The following MCEE variants were observed in gnomAD, a reference collection of about 807,000 sequenced individuals.
The protein encoded by MCEE is methylmalonyl-CoA epimerase, mitochondrial.
MCEE carries 6 observed loss-of-function variants against 12.9 expected under a neutral mutation model. The ratio of observed to expected loss-of-function variants is 0.47; its 90% CI spans 0.26 to 0.92. The LOEUF is 0.92. Among genes scored for constraint, MCEE ranks in the 40% least tolerant of loss-of-function variants. The pLI is 0.16. For synonymous variants in MCEE, 78 were observed against 77.9 expected, an observed-to-expected ratio of 1.00 and a Z score of -0.01; for missense variants, 214 against 212.1, an observed-to-expected ratio of 1.01 and a Z score of -0.05.
At chr2:71,122,909 G>T (rs1038038137) in intron 2 of MCEE, among the ~76,000 whole-genome samples, 3 of 152,160 alleles carry the variant, frequency 2.0e-5, no homozygotes, top group Admixed American at 6.5e-5. Flanking sequence ...TGTAACTTAT[G>T]CTCTGTGAGG....
At chr2:71,124,644 A>G in intron 1 of MCEE, 101 bp from the exon 2 acceptor site, 2 of 883,430 alleles carry the variant, frequency 2.3e-6, no homozygotes, top group Non-Finnish European at 3.7e-6. Context: ...AAAATTCATT[A>G]TTTATATATC....
chr2:71,115,461 A>G (rs6705137), intron 2 of MCEE, among the ~76,000 whole-genome samples: 44,748 of 150,438 alleles, frequency 0.3, 9,261 homozygotes, highest in East Asian at 0.66. Flanking sequence ...CACTAACTTC[A>G]ATTTTAAAGC....
chr2:71,122,504 A>T (rs1558746858), intron 2 of MCEE, among the ~76,000 whole-genome samples: 1 of 152,218 alleles, frequency 6.6e-6, no homozygotes, highest in African/African-American at 2.4e-5. Context: ...TTACAGTTCC[A>T]CGTGGCTGGG....
intron 1 of MCEE, chr2:71,129,946 G>T: frequency 1.6e-6 from 1 of 615,022 alleles, no homozygotes; most frequent in Admixed American, 2.5e-5. Flanking sequence ...CAGAGCCCAA[G>T]GCGCACAGCT....
intron 2 of MCEE, among the ~76,000 whole-genome samples, chr2:71,110,419 C>T (rs1672864241): frequency 6.6e-6 from 1 of 152,110 alleles, no homozygotes; most frequent in Admixed American, 6.5e-5. Flanking sequence ...TCTGGCAGTA[C>T]TATTAGTGAG....
At chr2:71,123,212 C>A (rs1340048920) in intron 2 of MCEE, among the ~76,000 whole-genome samples, 6 of 152,194 alleles carry the variant, frequency 3.9e-5, no homozygotes, top group African/African-American at 1.4e-4. Context: ...GCCTAACAGG[C>A]CAGGCAAGGT....
intron 2 of MCEE, among the ~76,000 whole-genome samples, chr2:71,112,750 T>C (rs1672915675): frequency 6.6e-6 from 1 of 152,222 alleles, no homozygotes; most frequent in East Asian, 1.9e-4. Context: ...TGTAGTTTTC[T>C]GTTTGCCCTA....
rs1572894873 is a variant in MCEE, at chr2:71,130,208, C to G, written c.12G>C (p.Val4=). 1 of 1,607,024 alleles carries G rather than the reference C, an allele frequency of 6.2e-7. No individual in the cohort carries two copies. The highest frequency in any genetic ancestry group is 8.5e-7 in the Non-Finnish European group (1 of 1,177,662). Residue 4 remains valine, a synonymous_variant, in exon 1 of 3, where the codon GTG becomes GTC. Coordinates refer to ENST00000244217, the MANE Select transcript of MCEE (RefSeq NM_032601.4). MAR[V]LKAAAANAVG... is the part of the protein sequence containing the mutation. ...CGGCATTCGCGGCTGCAGCCTTCAG[C>G]ACCCGCGCCATTTTGGAAAGCAACC...
chr2:71,120,764 G>C (rs1384661795), intron 2 of MCEE, among the ~76,000 whole-genome samples: 3 of 150,272 alleles, frequency 2.0e-5, no homozygotes, highest in Admixed American at 6.7e-5. Flanking sequence ...CTGAGATGGA[G>C]TCTTGCTCTG....
Position 71,115,375 on chromosome 2 carries a change from C to A in MCEE, c.379-5253G>T, listed in dbSNP as rs1253250322. On this transcript the variant is annotated intron_variant, in intron 2 of 2. Transcript: ENST00000244217. ...CTCCAGCCTGGGTAACAGAGTGAGA[C>A]CCTGTCTCAAAAAACTAATAAATGT... Among the ~76,000 whole-genome samples, 4 of 152,250 alleles carry A rather than the reference C, an allele frequency of 2.6e-5. No individual in the cohort carries two copies. In the East Asian group the frequency reaches 5.8e-4, roughly 22 times the overall value.
At chr2:71,127,710 T>A (rs1360778433) in intron 1 of MCEE, among the ~76,000 whole-genome samples, 1 of 152,262 alleles carries the variant, frequency 6.6e-6, no homozygotes, top group Non-Finnish European at 1.5e-5. Flanking sequence ...CAGTGCAACC[T>A]CTGCTTCCCA....
intron 1 of MCEE, among the ~76,000 whole-genome samples, chr2:71,127,925 C>T (rs1412642497): frequency 1.3e-5 from 2 of 152,072 alleles, no homozygotes; most frequent in Admixed American, 1.3e-4. Context: ...CGCGCCTGGC[C>T]GAACATAAGT....
intron 1 of MCEE, among the ~76,000 whole-genome samples, chr2:71,125,002 T>C (rs1366973776): frequency 6.6e-6 from 1 of 151,344 alleles, no homozygotes; most frequent in Non-Finnish European, 1.5e-5. Context: ...CATACAGTAC[T>C]CTTTAATGCT....
chr2:71,128,946 C>G (rs1673301505), intron 1 of MCEE, among the ~76,000 whole-genome samples: 1 of 149,460 alleles, frequency 6.7e-6, no homozygotes, highest in South Asian at 2.1e-4. Flanking sequence ...GCTAACGCCA[C>G]TGCACTCCAG....
intron 2 of MCEE, among the ~76,000 whole-genome samples, chr2:71,116,532 C>G (rs1383811267): frequency 6.9e-6 from 1 of 145,494 alleles, no homozygotes; most frequent in Non-Finnish European, 1.5e-5. Context: ...TGGATTGTCA[C>G]AATCAGAATT....
intron 2 of MCEE, among the ~76,000 whole-genome samples, chr2:71,118,549 C>T (rs572377382): frequency 6.7e-6 from 1 of 150,164 alleles, no homozygotes; most frequent in South Asian, 2.1e-4. Flanking sequence ...TAAGTGCTGG[C>T]AGATTCAACA....
chr2:71,112,933 A>G (rs759137009), intron 2 of MCEE, among the ~76,000 whole-genome samples: 2 of 152,156 alleles, frequency 1.3e-5, no homozygotes, highest in Non-Finnish European at 2.9e-5. Flanking sequence ...CATCTGTCTT[A>G]TGCTCTATTC....
intron 1 of MCEE, among the ~76,000 whole-genome samples, chr2:71,128,106 T>C (rs1572893590): frequency 6.6e-6 from 1 of 152,076 alleles, no homozygotes; most frequent in African/African-American, 2.4e-5. Context: ...CAATTTTTTT[T>C]ATTCATTACA....
intron 2 of MCEE, among the ~76,000 whole-genome samples, chr2:71,121,365 C>G (rs1239574200): frequency 6.6e-6 from 1 of 152,172 alleles, no homozygotes; most frequent in Non-Finnish European, 1.5e-5. Flanking sequence ...GACAGCAGAG[C>G]TGCCCATCAG....
Sources: allele counts gnomAD v4.1 joint callset (sites outside exome capture counted in the v4.1 genomes callset), GRCh38; gene constraint gnomAD v4.1.1; transcripts MANE v1.5; gene names NCBI Gene and HGNC (gene_info 2026-07-23, HGNC 2026-07-21).